OXR1: variants seen among roughly 807,000 people sequenced by gnomAD.
OXR1 encodes oxidation resistance 1, also known as oxidation resistance protein 1.
Under a neutral mutation model 104.6 loss-of-function variants are expected in OXR1, and 41 were observed. The observed-to-expected ratio is 0.39, with a 90% CI of 0.31 to 0.51. The LOEUF (loss-of-function observed/expected upper bound fraction) is 0.51, where lower values mean the gene tolerates loss of function less well. Ranked by LOEUF, OXR1 falls within the 20% of genes least tolerant of loss-of-function variation. The pLI, the probability that OXR1 is intolerant of heterozygous loss-of-function variation, is 0.77. For missense variants in OXR1, 955 were observed against 1,031.9 expected (o/e 0.93, Z 1.02); for synonymous variants, 348 against 348.4 (o/e 1.00, Z 0.01).
chr8:106,742,222 GT>G lies in OXR1; in HGVS notation c.2322del (p.Phe774LeufsTer4). The G allele has an allele frequency of 2.5e-6, 4 of 1,577,008 alleles. No individual in the cohort carries two copies. The highest frequency in any genetic ancestry group is 3.5e-6 in the Non-Finnish European group (4 of 1,147,432). ...TTGAATATGCCTTTTTTATCCTTAG[GT>G]TTTTGGTGCGTTAGCATCTGAGCCA... ...LMVIKDSDGQ[V>X]FGALASEPLK... On this transcript the variant is annotated frameshift_variant and splice_region_variant, in exon 15 of 17. Transcript: ENST00000517566. LOFTEE classifies it high-confidence loss of function.
At chr8:106,331,570 G>T (rs1407158841) in intron 1 of OXR1, among the ~76,000 whole-genome samples, 1 of 152,090 alleles carries the variant, frequency 6.6e-6, no homozygotes, top group African/African-American at 2.4e-5. Flanking sequence ...AAAAGGAAAT[G>T]TCGTAAATCC....
intron 2 of OXR1, among the ~76,000 whole-genome samples, chr8:106,486,868 A>C (rs953217413): frequency 6.6e-6 from 1 of 152,048 alleles, no homozygotes; most frequent in African/African-American, 2.4e-5. Context: ...TTGTATTATA[A>C]TAAGTTATAA....
intron 14 of OXR1, 66 bp from the exon 15 acceptor site, chr8:106,742,156 A>G: frequency 1.1e-6 from 1 of 896,760 alleles, no homozygotes; most frequent in Non-Finnish European, 1.9e-6. Flanking sequence ...AACATATATG[A>G]TGAAATAATG....
In OXR1 at chr8:106,720,818, G is replaced by A. The variant is rs28921435; in HGVS notation, c.1956+6833G>A. ...TACCCTTTAAAATTTAATATATTTG[G>A]CAAGTGCCTGAGGATCCAGTAGTAT... On this transcript the variant is annotated intron_variant, in intron 11 of 16. Coordinates refer to ENST00000517566, the MANE Select transcript of OXR1 (RefSeq NM_001198533.2). The A allele has an allele frequency of 6.9e-3, 2,417 of 351,532 alleles. 19 individuals carry two copies. The highest frequency in any genetic ancestry group is 0.029 in the Admixed American group (449 of 15,546). 21.8% of individuals were successfully genotyped at this position (351,532 alleles called of 1,614,324 possible). A position where few individuals can be genotyped will look rare whatever the true frequency, so the allele number is the denominator to read the frequency against.
At chr8:106,489,965 G>A (rs1810966022) in intron 2 of OXR1, among the ~76,000 whole-genome samples, 1 of 152,118 alleles carries the variant, frequency 6.6e-6, no homozygotes, top group Non-Finnish European at 1.5e-5. Flanking sequence ...AATTATACCA[G>A]GACAACTGGC....
chr8:106,700,642 T>C (rs1830506092), intron 7 of OXR1, among the ~76,000 whole-genome samples: 1 of 152,214 alleles, frequency 6.6e-6, no homozygotes, highest in Non-Finnish European at 1.5e-5. Context: ...TTTGTATAGT[T>C]ACAGTACTAG....
intron 16 of OXR1, among the ~76,000 whole-genome samples, chr8:106,748,109 C>G (rs1275699032): frequency 1.3e-5 from 2 of 152,202 alleles, no homozygotes; most frequent in South Asian, 4.1e-4. Flanking sequence ...GTTAGAGTCT[C>G]TAGAAGTCTA....
intron 4 of OXR1, among the ~76,000 whole-genome samples, chr8:106,680,911 C>G (rs1455644228): frequency 6.6e-6 from 1 of 152,180 alleles, no homozygotes; most frequent in Non-Finnish European, 1.5e-5. Flanking sequence ...GAGTCAGCAT[C>G]AGTTTGCTCA....
rs555093499 is a variant in OXR1 at position 106,397,938 on chromosome 8, C to T, written c.23+38302C>T. On this transcript the variant is annotated intron_variant, in intron 2 of 16. Transcript: ENST00000517566. Reference sequence around the variant, plus strand: ...ATCCTTCTGAAGGCTGAGGCAGAATCTCTTTAAGCTCCTTTTCCTAGCTTC... The same window carrying T: ...ATCCTTCTGAAGGCTGAGGCAGAATTTCTTTAAGCTCCTTTTCCTAGCTTC... Among the ~76,000 whole-genome samples, 37 of 152,238 alleles carry T rather than the reference C, an allele frequency of 2.4e-4. No homozygotes were observed. The South Asian group carries it at 7.7e-3, about 32-fold the overall frequency.
At chr8:106,412,682 T>A (rs1340857906) in intron 2 of OXR1, among the ~76,000 whole-genome samples, 4 of 152,174 alleles carry the variant, frequency 2.6e-5, no homozygotes, top group African/African-American at 9.7e-5. Context: ...TCAGGCGATA[T>A]GCACCTTAAT....
chr8:106,314,209 T>C (rs747383403), intron 1 of OXR1, among the ~76,000 whole-genome samples: 2 of 152,164 alleles, frequency 1.3e-5, no homozygotes, highest in Non-Finnish European at 2.9e-5. Flanking sequence ...ATGATGTTAG[T>C]GTCTATGGAA....
intron 3 of OXR1, among the ~76,000 whole-genome samples, chr8:106,550,377 A>G (rs1399609794): frequency 6.6e-6 from 1 of 152,188 alleles, no homozygotes; most frequent in Non-Finnish European, 1.5e-5. Flanking sequence ...ATGGCAGGGG[A>G]GGCCTCATGA....
intron 3 of OXR1, among the ~76,000 whole-genome samples, chr8:106,552,010 A>G (rs1361026405): frequency 6.6e-5 from 10 of 151,334 alleles, no homozygotes; most frequent in Non-Finnish European, 1.3e-4. Context: ...GCAGTAAGCT[A>G]TGTTTGCAAC....
At chr8:106,716,010 A>G (rs916294706) in intron 11 of OXR1, among the ~76,000 whole-genome samples, 1 of 152,330 alleles carries the variant, frequency 6.6e-6, no homozygotes, top group East Asian at 1.9e-4. Flanking sequence ...AAATTCATGT[A>G]ATGCCACTAA....
At chr8:106,473,203 G>A (rs2510815) in intron 2 of OXR1, among the ~76,000 whole-genome samples, 15,566 of 151,872 alleles carry the variant, frequency 0.1, 968 homozygotes, top group African/African-American at 0.17. Context: ...TCAGCTCTAA[G>A]TCAGGATGGA....
In OXR1 at chr8:106,476,392, G is replaced by A. The variant is rs190072382; in HGVS notation, c.24-42551G>A. On this transcript the variant is annotated intron_variant, in intron 2 of 16. Coordinates refer to ENST00000517566, the MANE Select transcript of OXR1 (RefSeq NM_001198533.2). ...GGGTTATCGTTGTCCAGACCTTCCT[G>A]TTGTGCAGCCAAAAGACTGGTAGCT... Among the ~76,000 whole-genome samples the A allele has an allele frequency of 1.1e-4, 16 of 152,030 alleles. No individual in the cohort carries two copies. In the East Asian group the frequency reaches 2.9e-3, roughly 28 times the overall value.
At chr8:106,349,845 A>G (rs1815650959) in intron 1 of OXR1, among the ~76,000 whole-genome samples, 1 of 152,166 alleles carries the variant, frequency 6.6e-6, no homozygotes, top group Non-Finnish European at 1.5e-5. Flanking sequence ...ACTCAGGAAA[A>G]TGCAAAGGAG....
At chr8:106,677,316 A>G (rs994126390) in intron 3 of OXR1, among the ~76,000 whole-genome samples, 1 of 152,144 alleles carries the variant, frequency 6.6e-6, no homozygotes, top group East Asian at 1.9e-4. Flanking sequence ...AACTTATTTT[A>G]TCTTAAAATA....
intron 3 of OXR1, among the ~76,000 whole-genome samples, chr8:106,662,416 C>T (rs185825993): frequency 2.0e-5 from 3 of 152,188 alleles, no homozygotes; most frequent in Non-Finnish European, 4.4e-5. Flanking sequence ...TTAAGCAAAT[C>T]CTATGTACTG....
Sources: allele counts gnomAD v4.1 joint callset (sites outside exome capture counted in the v4.1 genomes callset), GRCh38; gene constraint gnomAD v4.1.1; transcripts MANE v1.5; gene names NCBI Gene and HGNC (gene_info 2026-07-23, HGNC 2026-07-21).